Variants in NOTUM observed in about 807,000 individuals in gnomAD.
The protein encoded by NOTUM is palmitoleoyl-protein carboxylesterase NOTUM.
A neutral mutation model predicts 65.5 loss-of-function variants in NOTUM; 36 were observed. That is an observed-to-expected ratio of 0.55 (90% CI 0.42 to 0.73). The LOEUF (loss-of-function observed/expected upper bound fraction) is 0.73, where lower values mean the gene tolerates loss of function less well. NOTUM is among the 30% of genes least tolerant of loss of function. NOTUM has a pLI of 0.00. For synonymous variants in NOTUM, 356 were observed against 297.9 expected (o/e 1.20, Z -2.01); for missense variants, 659 against 694.2 (o/e 0.95, Z 0.57).
intron 1 of NOTUM, 102 bp from the exon 2 acceptor site, chr17:81,959,794 G>C: frequency 4.9e-6 from 3 of 606,484 alleles, no homozygotes; most frequent in African/African-American, 1.9e-5. Context: ...TGTTCCGGCC[G>C]CGCGCGACGG....
intron 6 of NOTUM, 98 bp from the exon 7 acceptor site, chr17:81,957,172 A>G: frequency 1.1e-6 from 1 of 950,092 alleles, no homozygotes; most frequent in East Asian, 2.5e-5. Flanking sequence ...GGGGGGCAGG[A>G]GTCCTGATGC....
At chr17:81,955,680 A>G in intron 8 of NOTUM, 136 bp from the exon 9 acceptor site, 1 of 584,818 alleles carries the variant, frequency 1.7e-6, no homozygotes, top group Non-Finnish European at 2.6e-6. Context: ...AGGCCCCTGC[A>G]GTGCCCCCCA....
In NOTUM at chr17:81,958,966, C is replaced by T. The variant is rs1002069264; in HGVS notation, c.502G>A (p.Glu168Lys). 38 of 1,613,158 alleles carry T rather than the reference C, an allele frequency of 2.4e-5. No homozygotes were observed. Among genetic ancestry groups the T allele is most frequent in the African/African-American group, 5.3e-5 (4 of 75,030 alleles). ...TTTGCGTTCCACCAGTAGGGGTTCT[C>T]CTCCGGCTGTGAGGACAGGATCCCT... ...GTGILSSQPEENPYWWNANMV... is the reference protein window; with the variant it reads ...GTGILSSQPEKNPYWWNANMV... Residue 168 changes from glutamate (E) to lysine (K), a missense_variant, in exon 4 of 11, where the codon GAG (glutamate) becomes AAG (lysine). Glu to Lys is a moderately conservative substitution (Grantham distance 56). Transcript: ENST00000409678.
chr17:81,958,304 C>T (rs2143946564), intron 5 of NOTUM, 31 bp downstream of exon 5: 3 of 1,527,312 alleles, frequency 2.0e-6, no homozygotes, highest in South Asian at 1.1e-5. Flanking sequence ...CCGTCCCTGC[C>T]CTGCCATGCC....
Position 81,960,102 on chromosome 17 carries a change from T to C in NOTUM, c.324-410A>G, listed in dbSNP as rs1394031671. On this transcript the variant is annotated intron_variant, in intron 1 of 10. Coordinates refer to ENST00000409678, the MANE Select transcript of NOTUM (RefSeq NM_178493.6). The surrounding 1 kb of genome is among the most constrained non-coding windows in gnomAD (Gnocchi z 6.4). ...GCGGCACCGACCCGGCGGGGGAGCC[T>C]TCCTGCCGAGCCCCGACCCCACGCC... is the stretch of plus-strand genomic sequence containing the variant. Among the ~76,000 whole-genome samples the C allele has an allele frequency of 6.6e-6, 1 of 151,772 alleles. No homozygotes were observed. Among genetic ancestry groups the C allele is most frequent in the South Asian group, 2.1e-4 (1 of 4,814 alleles).
In NOTUM at chr17:81,954,264, G is replaced by A; in HGVS notation, c.1176C>T (p.Ile392=). 2 of 1,612,308 alleles carry A rather than the reference G, an allele frequency of 1.2e-6. 1 individual carries two copies. Among genetic ancestry groups the A allele is most frequent in the Non-Finnish European group, 1.7e-6 (2 of 1,178,322 alleles). The change falls in exon 10 of 11, where the codon ATC becomes ATT. Residue 392 remains isoleucine (I), a synonymous_variant. Transcript: ENST00000409678. ...GGAGCAGGGACACTGACCTCCGGAT[G>A]ATGATCTCATGGGAGAGGCAGGCGG... ...FAPACLSHEI[I]IRSHWTDVQV...
At chr17:81,953,461 A>C (rs1368419582) in intron 10 of NOTUM, among the ~76,000 whole-genome samples, 194 bp from the exon 11 acceptor site, 3 of 150,822 alleles carry the variant, frequency 2.0e-5, no homozygotes, top group Non-Finnish European at 4.4e-5. Context: ...GAGACTGGCT[A>C]ATTTTTTGTA....
rs951412935 is a variant in NOTUM, at chr17:81,952,816, G to C, written c.*145C>G. On this transcript the variant is annotated 3_prime_UTR_variant, in exon 11 of 11. Coordinates refer to ENST00000409678, the MANE Select transcript of NOTUM (RefSeq NM_178493.6). ...AGAGGGGCAGGGAAAGCCGGGGCAG[G>C]AGGGCAGTGGGCAGACCCAGACAGG... 8 of 699,606 alleles carry C rather than the reference G, an allele frequency of 1.1e-5. No individual in the cohort carries two copies. The African/African-American group carries it at 1.4e-4, about 12-fold the overall frequency. 43.3% of individuals were successfully genotyped at this position (699,606 alleles called of 1,614,324 possible).
intron 1 of NOTUM, among the ~76,000 whole-genome samples, chr17:81,959,979 C>CG (rs2041462010): frequency 6.6e-6 from 1 of 151,778 alleles, no homozygotes; most frequent in Non-Finnish European, 1.5e-5. Flanking sequence ...GCGGTCCTCC[C>CG]GGGGCGCGCG....
At chr17:81,955,253 T>C in intron 9 of NOTUM, 144 bp downstream of exon 9, 1 of 712,382 alleles carries the variant, frequency 1.4e-6, no homozygotes, top group Non-Finnish European at 2.3e-6. Context: ...AGTGCTGGGA[T>C]TATAGGTGTG....
In NOTUM at chr17:81,957,824, A is replaced by G; in HGVS notation, c.677T>C (p.Leu226Pro). Residue 226 changes from leucine (L) to proline (P), a missense_variant, in exon 6 of 11, where the codon CTG becomes CCG. Coordinates refer to ENST00000409678, the MANE Select transcript of NOTUM (RefSeq NM_178493.6). ...LGRGLSGAKV[L>P]LLAGSSAGGT... is the part of the protein sequence containing the mutation. Reference sequence around the variant, plus strand: ...TGCCCACCTGCTCCCGGCCAGCAGCAGCACCTTGGCCCCGCTCAGCCCTCT... The same window carrying G: ...TGCCCACCTGCTCCCGGCCAGCAGCGGCACCTTGGCCCCGCTCAGCCCTCT... 6.2e-7 allele frequency: 1 copy of G among 1,606,122 alleles called. No homozygotes were observed. Among genetic ancestry groups the G allele is most frequent in the Non-Finnish European group, 8.5e-7 (1 of 1,176,876 alleles).
At chr17:81,956,475 C>T (rs1029784554) in intron 8 of NOTUM, among the ~76,000 whole-genome samples, 175 bp downstream of exon 8, 1 of 151,990 alleles carries the variant, frequency 6.6e-6, no homozygotes, top group African/African-American at 2.4e-5. Context: ...CACAGCCGGC[C>T]TCCTCCCTGG....
chr17:81,956,874 C>T lies in NOTUM; in HGVS notation c.887+9G>A, dbSNP rs201191460. ...GCAGCACGAGGACGGGCCCTCCCCG[C>T]TGCGGCACCTGATGCCACGGCGGAT... On this transcript the variant is annotated intron_variant, in intron 7 of 10. Coordinates refer to ENST00000409678, the MANE Select transcript of NOTUM (RefSeq NM_178493.6). 258 of 1,607,138 alleles carry T rather than the reference C, an allele frequency of 1.6e-4. No individual in the cohort carries two copies. The African/African-American group carries it at 3.0e-3, about 19-fold the overall frequency.
At position 81,960,793 on chromosome 17, in the gene NOTUM, G is replaced by A; in HGVS notation, c.117C>T (p.Thr39=). Residue 39 remains threonine (T), a synonymous_variant, in exon 1 of 11, where the codon ACC becomes ACT. Transcript: ENST00000409678. This position sits in a 1 kb window ranked among gnomAD's most constrained non-coding sequence, Gnocchi z 6.4. The part of the protein sequence containing the change: ...RGQQPPPPPR[T]EAAPAAGQPV... Reference sequence around the variant, plus strand: ...GCTGTCCGGCCGCCGGCGCCGCCTCGGTCCGCGGGGGAGGAGGCGGCTGCT... The same window carrying A: ...GCTGTCCGGCCGCCGGCGCCGCCTCAGTCCGCGGGGGAGGAGGCGGCTGCT... 6.4e-7 allele frequency: 1 copy of A among 1,553,272 alleles called. No homozygotes were observed. The highest frequency in any genetic ancestry group is 8.7e-7 in the Non-Finnish European group (1 of 1,150,540).
In NOTUM at chr17:81,956,686, A is replaced by C; in HGVS notation, c.952T>G (p.Cys318Gly). 6.2e-7 allele frequency: 1 copy of C among 1,613,022 alleles called. No homozygotes were observed. The change falls in exon 8 of 11, where the codon TGC becomes GGC. Residue 318 changes from cysteine to glycine, a missense_variant. Coordinates refer to ENST00000409678, the MANE Select transcript of NOTUM (RefSeq NM_178493.6). Reference sequence around the variant, plus strand: ...GGGTAGACCTTGTAGCCAAAGAAGCAGTTCCACTCCTCGCCCTCCTGGAAC... The same window carrying C: ...GGGTAGACCTTGTAGCCAAAGAAGCCGTTCCACTCCTCGCCCTCCTGGAAC... ...RQFQEGEEWNCFFGYKVYPTL... is the reference protein window; with the variant it reads ...RQFQEGEEWNGFFGYKVYPTL...
In NOTUM at chr17:81,958,928, C is replaced by T. The variant is rs1313878260; in HGVS notation, c.533+7G>A. ...GGACTCCCAGGCAAGACCCTGTGCC[C>T]CCTTACACCATGTTTGCGTTCCACC... is the stretch of plus-strand genomic sequence containing the variant. On this transcript the variant is annotated splice_region_variant and intron_variant, in intron 4 of 10. Coordinates refer to ENST00000409678, the MANE Select transcript of NOTUM (RefSeq NM_178493.6). 5 of 1,610,252 alleles carry T rather than the reference C, an allele frequency of 3.1e-6. No individual in the cohort carries two copies. Among genetic ancestry groups the T allele is most frequent in the Admixed American group, 3.3e-5 (2 of 60,012 alleles).
chr17:81,960,671 C>G lies in NOTUM; in HGVS notation c.239G>C (p.Cys80Ser). The change falls in exon 1 of 11, where the codon TGC becomes TCC. Residue 80 changes from cysteine (C) to serine (S), a missense_variant. Physicochemically the swap from Cys to Ser is moderately radical, Grantham distance 112. Transcript: ENST00000409678. This position sits in a 1 kb window ranked among gnomAD's most constrained non-coding sequence, Gnocchi z 6.4. ...GTCCTCGTTGAGCTGCTGCGCGGAG[C>G]AGGGGTACAGGGACTGCGCCAGGCT... ...VKSLAQSLYPCSAQQLNEDLR... is the reference protein window; with the variant it reads ...VKSLAQSLYPSSAQQLNEDLR... The G allele has an allele frequency of 1.9e-6, 3 of 1,595,366 alleles. No homozygotes were observed. Among genetic ancestry groups the G allele is most frequent in the Non-Finnish European group, 2.6e-6 (3 of 1,171,380 alleles).
intron 4 of NOTUM, 77 bp downstream of exon 4, chr17:81,958,858 G>A (rs1161190472): frequency 9.1e-7 from 1 of 1,100,094 alleles, no homozygotes; most frequent in Non-Finnish European, 1.4e-6. Flanking sequence ...TTCAGAATAT[G>A]ACTTCCCAAG....
chr17:81,955,835 C>T (rs2041429046), intron 8 of NOTUM, among the ~76,000 whole-genome samples: 1 of 140,876 alleles, frequency 7.1e-6, no homozygotes, highest in Non-Finnish European at 1.6e-5. Context: ...CCCCCCATCC[C>T]AGGCTCAGAG....
Sources: gnomAD v4.1 joint callset for allele counts (sites outside exome capture counted in the v4.1 genomes callset) on GRCh38, gnomAD v4.1.1 for gene constraint, Gnocchi (gnomAD v3.1) non-coding constraint, MANE v1.5 for transcripts, NCBI Gene and HGNC (gene_info 2026-07-23, HGNC 2026-07-21) for gene names.